RTTN: variants seen among roughly 807,000 people sequenced by gnomAD.
RTTN encodes the protein rotatin.
A neutral mutation model predicts 269.2 loss-of-function variants in RTTN; 182 were observed. The ratio of observed to expected loss-of-function variants is 0.68; its 90% CI spans 0.60 to 0.76. The LOEUF is 0.76. Among genes scored for constraint, RTTN ranks in the 30% least tolerant of loss-of-function variants. The pLI, the probability that RTTN is intolerant of heterozygous loss-of-function variation, is 0.00. For missense variants in RTTN, 2,545 were observed against 2,608.6 expected, an observed-to-expected ratio of 0.98 and a Z score of 0.53; for synonymous variants, 1,006 against 963.5, an observed-to-expected ratio of 1.04 and a Z score of -0.82.
chr18:70,067,043 T>C (rs1482188104), intron 34 of RTTN, among the ~76,000 whole-genome samples: 1 of 152,096 alleles, frequency 6.6e-6, no homozygotes, highest in Non-Finnish European at 1.5e-5. Context: ...GCACATAATC[T>C]AAAAAGTAAA....
chr18:70,124,888 C>T (rs1414812973), intron 25 of RTTN, among the ~76,000 whole-genome samples: 5 of 152,038 alleles, frequency 3.3e-5, no homozygotes, highest in Non-Finnish European at 7.4e-5. Context: ...AGCAATAGGA[C>T]TTCCAGTAGG....
At chr18:70,067,888 A>AT (rs2058186513) in intron 34 of RTTN, among the ~76,000 whole-genome samples, 1 of 152,200 alleles carries the variant, frequency 6.6e-6, no homozygotes, top group Non-Finnish European at 1.5e-5. Context: ...TAAAGATGTG[A>AT]TTTTCCTTAG....
At chr18:70,035,070 C>T (rs779811095) in intron 40 of RTTN, among the ~76,000 whole-genome samples, 5 of 152,132 alleles carry the variant, frequency 3.3e-5, no homozygotes, top group Middle Eastern at 3.2e-3. Context: ...AGTGGTGACA[C>T]GAATGAATGG....
intron 17 of RTTN, 150 bp from the exon 18 acceptor site, chr18:70,145,933 C>A: frequency 4.2e-6 from 2 of 481,070 alleles, no homozygotes; most frequent in Non-Finnish European, 7.0e-6. Context: ...ACTTTTTCTA[C>A]TAAAAATTCT....
At chr18:70,143,032 AAAAT>A (rs1418609574) in intron 18 of RTTN, among the ~76,000 whole-genome samples, 3 of 152,148 alleles carry the variant, frequency 2.0e-5, no homozygotes, top group Admixed American at 6.6e-5. Flanking sequence ...TCTCACAAAA[AAAAT>A]AAATAAATAG....
chr18:70,087,755 A>T (rs2058738685), intron 31 of RTTN, among the ~76,000 whole-genome samples: 2 of 152,334 alleles, frequency 1.3e-5, no homozygotes, highest in South Asian at 2.1e-4. Context: ...TAATAAAAAA[A>T]GTTCACATTA....
chr18:70,046,687 C>G (rs2057500359), intron 40 of RTTN, among the ~76,000 whole-genome samples: 1 of 152,158 alleles, frequency 6.6e-6, no homozygotes, highest in African/African-American at 2.4e-5. Flanking sequence ...TACAGGAAAG[C>G]TATGGCCTCC....
chr18:70,005,128 T>C (rs1599063417), intron 48 of RTTN, 70 bp downstream of exon 48: 17 of 1,154,386 alleles, frequency 1.5e-5, no homozygotes, highest in Non-Finnish European at 2.0e-5. Context: ...TGTCCAAATA[T>C]CTCATTAATC....
At chr18:70,087,910 T>C in intron 31 of RTTN, 79 bp downstream of exon 31, 2 of 1,450,816 alleles carry the variant, frequency 1.4e-6, no homozygotes, top group South Asian at 1.3e-5. Flanking sequence ...GTCCACCATG[T>C]TGAGCGGCAG....
At chr18:70,197,556 T>C (rs2061841085) in intron 6 of RTTN, 68 bp downstream of exon 6, 2 of 924,484 alleles carry the variant, frequency 2.2e-6, no homozygotes, top group Non-Finnish European at 3.6e-6. Context: ...ACTCCTACTC[T>C]GCAAAATTTG....
chr18:70,146,817 C>G (rs751455781), intron 17 of RTTN, among the ~76,000 whole-genome samples: 1 of 152,212 alleles, frequency 6.6e-6, no homozygotes, highest in Non-Finnish European at 1.5e-5. Context: ...ATAAATACTT[C>G]CTGAATCAAA....
intron 4 of RTTN, 124 bp downstream of exon 4, chr18:70,201,770 T>C: frequency 1.6e-6 from 1 of 626,904 alleles, no homozygotes. Context: ...AACTAAAACA[T>C]TTAATGATAG....
chr18:70,175,267 G>A (rs2061262233), intron 11 of RTTN, among the ~76,000 whole-genome samples: 1 of 151,754 alleles, frequency 6.6e-6, no homozygotes, highest in Admixed American at 6.6e-5. Flanking sequence ...AGGTAAAATA[G>A]AAAAGTAGGA....
At chr18:70,110,257 T>TG (rs1234680158) in intron 27 of RTTN, among the ~76,000 whole-genome samples, 3 of 147,274 alleles carry the variant, frequency 2.0e-5, no homozygotes, top group East Asian at 2.0e-4. Flanking sequence ...AAAAAAAGGT[T>TG]GGGGGGATTG....
intron 40 of RTTN, among the ~76,000 whole-genome samples, chr18:70,040,863 C>T (rs1346853450): frequency 3.9e-5 from 6 of 152,046 alleles, no homozygotes; most frequent in Admixed American, 2.6e-4. Context: ...AAACAATATG[C>T]TCCTGAATGT....
At chr18:70,046,947 C>G (rs2057507646) in intron 40 of RTTN, among the ~76,000 whole-genome samples, 1 of 152,206 alleles carries the variant, frequency 6.6e-6, no homozygotes, top group East Asian at 1.9e-4. Flanking sequence ...ACTGGCAATC[C>G]TTTCTGCATC....
At chr18:70,121,828 G>T in intron 25 of RTTN, 128 bp from the exon 26 acceptor site, 1 of 884,360 alleles carries the variant, frequency 1.1e-6, no homozygotes, top group Non-Finnish European at 1.6e-6. Flanking sequence ...TGTTTTAAAT[G>T]CTTTGGAAAA....
At chr18:70,123,718 C>T (rs531088078) in intron 25 of RTTN, among the ~76,000 whole-genome samples, 1 of 152,140 alleles carries the variant, frequency 6.6e-6, no homozygotes, top group East Asian at 1.9e-4. Context: ...GGATAGGGTG[C>T]TCCTCTAATG....
intron 32 of RTTN, among the ~76,000 whole-genome samples, chr18:70,082,672 T>C (rs1243286824): frequency 2.0e-5 from 3 of 152,146 alleles, no homozygotes; most frequent in Non-Finnish European, 4.4e-5. Flanking sequence ...TTTTCTCTTC[T>C]TGGCAGAGAA....
Sources: allele counts gnomAD v4.1 joint callset (sites outside exome capture counted in the v4.1 genomes callset), GRCh38; gene constraint gnomAD v4.1.1; transcripts MANE v1.5; gene names NCBI Gene and HGNC (gene_info 2026-07-23, HGNC 2026-07-21).